HDAC4: variants seen among roughly 807,000 people sequenced by gnomAD.
HDAC4 encodes histone deacetylase A.
HDAC4 carries 16 observed loss-of-function variants against 135.1 expected under a neutral mutation model. The ratio of observed to expected loss-of-function variants is 0.12; its 90% CI spans 0.08 to 0.18. HDAC4 has a LOEUF of 0.18. HDAC4 is among the 10% of genes least tolerant of loss of function. The probability of loss-of-function intolerance (pLI) is 1.00; values close to 1 mark genes in which losing one functional copy is unlikely to be tolerated. For missense variants in HDAC4, 1,143 were observed against 1,511.8 expected, an observed-to-expected ratio of 0.76 and a Z score of 4.05; for synonymous variants, 685 against 653.4, an observed-to-expected ratio of 1.05 and a Z score of -0.74.
At chr2:239,123,770 T>C (rs2152839330) in intron 12 of HDAC4, among the ~76,000 whole-genome samples, 1 of 152,308 alleles carries the variant, frequency 6.6e-6, no homozygotes, top group South Asian at 2.1e-4. Context: ...AGGTCAGGGC[T>C]GCGGGAAGAG....
rs572570005 is a variant in HDAC4, at chr2:239,173,311, AGTTGACTGGG to A, written c.490+3092_490+3101del. Among the ~76,000 whole-genome samples, 460 of 152,350 alleles carry A rather than the reference AGTTGACTGGG, an allele frequency of 3.0e-3. 1 individual carries two copies. Among genetic ancestry groups the A allele is most frequent in the Non-Finnish European group, 4.8e-3 (324 of 68,022 alleles). Reference sequence around the variant, plus strand: ...CATAAAAGATAATATATTACAATCAAGTTGACTGGGGTTATTTTAAAAATGCCAGTTAGAA... The same window carrying A: ...CATAAAAGATAATATATTACAATCAAGTTATTTTAAAAATGCCAGTTAGAA... On this transcript the variant is annotated intron_variant, in intron 5 of 26. Coordinates refer to ENST00000543185, the MANE Select transcript of HDAC4 (RefSeq NM_001378414.1).
chr2:239,339,657 G>A (rs1222389156), intron 2 of HDAC4, among the ~76,000 whole-genome samples: 2 of 152,160 alleles, frequency 1.3e-5, no homozygotes, highest in African/African-American at 4.8e-5. Flanking sequence ...CACACATGTG[G>A]CCCGCGGCCC....
At chr2:239,067,629 CTCTG>C (rs533815138) in intron 23 of HDAC4, among the ~76,000 whole-genome samples, 41 of 152,320 alleles carry the variant, frequency 2.7e-4, no homozygotes, top group African/African-American at 9.4e-4. Flanking sequence ...GCTCTTTGCC[CTCTG>C]TCTGGTCACT....
chr2:239,290,607 G>A (rs904659437), intron 2 of HDAC4, among the ~76,000 whole-genome samples: 6 of 152,040 alleles, frequency 3.9e-5, no homozygotes, highest in African/African-American at 1.4e-4. Context: ...ACACAGGCAC[G>A]TGCGCACAAG....
intron 14 of HDAC4, among the ~76,000 whole-genome samples, chr2:239,109,879 C>T (rs572131515): frequency 9.7e-4 from 148 of 152,274 alleles, no homozygotes; most frequent in African/African-American, 3.4e-3. Flanking sequence ...ACTAAGCACA[C>T]GGCTGGAACT....
chr2:239,095,063 G>A lies in HDAC4; in HGVS notation c.2234-7C>T, dbSNP rs201372508. 1.1e-5 allele frequency: 18 copies of A among 1,613,836 alleles called. No homozygotes were observed. The East Asian group carries it at 1.8e-4, about 16-fold the overall frequency. On this transcript the variant is annotated splice_region_variant and splice_polypyrimidine_tract_variant and intron_variant, in intron 16 of 26. Transcript: ENST00000543185. ...AACACGGAGGCGAGCGAGCCTGTGG[G>A]GGGGAGGGAGACGGTCAGAGAGGCC...
At chr2:239,242,091 A>G (rs2048205482) in intron 2 of HDAC4, among the ~76,000 whole-genome samples, 1 of 151,696 alleles carries the variant, frequency 6.6e-6, no homozygotes, top group Non-Finnish European at 1.5e-5. Flanking sequence ...GGAAGGAAGG[A>G]AGGAAGGAAG....
rs75173755 is a variant in HDAC4, at chr2:239,283,499, C to T, written c.23-46835G>A. On this transcript the variant is annotated intron_variant, in intron 2 of 26. Transcript: ENST00000543185. ...CGCGAGGGGCCTGGGACGCCACTGC[C>T]GGCAGAGGCTAGAAGGGGCCTGACC... Among the ~76,000 whole-genome samples, 46 of 152,302 alleles carry T rather than the reference C, an allele frequency of 3.0e-4. 1 individual carries two copies. In the East Asian group the frequency reaches 8.1e-3, roughly 27 times the overall value.
intron 2 of HDAC4, among the ~76,000 whole-genome samples, chr2:239,252,362 GC>G (rs1357547547): frequency 1.3e-5 from 2 of 152,208 alleles, no homozygotes; most frequent in African/African-American, 4.8e-5. Context: ...GTACTCACAA[GC>G]CGCAGTGCCA....
In HDAC4 at chr2:239,368,094, C is replaced by T. The variant is rs74003965; in HGVS notation, c.-219-15176G>A. Among the ~76,000 whole-genome samples the T allele has an allele frequency of 9.9e-3, 1,515 of 152,306 alleles. 27 individuals are homozygous for T. The highest frequency in any genetic ancestry group is 0.035 in the African/African-American group (1,459 of 41,554). On this transcript the variant is annotated intron_variant, in intron 1 of 26. Transcript: ENST00000543185. ...AATCCAAAAACTCTGAGAGCCTGAA[C>T]ACTTCTGGTCCCAAGCACGTCAGAA...
At chr2:239,310,010 A>G (rs1237803870) in intron 2 of HDAC4, among the ~76,000 whole-genome samples, 1 of 152,184 alleles carries the variant, frequency 6.6e-6, no homozygotes, top group Non-Finnish European at 1.5e-5. Context: ...TCTTCGGTCC[A>G]GAAAAAGTCA....
chr2:239,169,203 C>T (rs2043296234), intron 5 of HDAC4, among the ~76,000 whole-genome samples: 1 of 152,214 alleles, frequency 6.6e-6, no homozygotes, highest in South Asian at 2.1e-4. Flanking sequence ...AACTTCAATT[C>T]TTTGATAAGC....
chr2:239,246,565 A>C (rs947728682), intron 2 of HDAC4, among the ~76,000 whole-genome samples: 2 of 152,058 alleles, frequency 1.3e-5, no homozygotes, highest in Non-Finnish European at 2.9e-5. Flanking sequence ...GCAGGAGTGA[A>C]AGCAAGCCGC....
chr2:239,183,655 TCACCCAGAGGCAC>T (rs2044299078), intron 4 of HDAC4, among the ~76,000 whole-genome samples: 2 of 152,186 alleles, frequency 1.3e-5, no homozygotes, highest in Admixed American at 1.3e-4. Flanking sequence ...TTCTTAACCT[TCACCCAGAGGCAC>T]CACAGAGGGA....
chr2:239,117,442 C>A (rs1216515158), intron 12 of HDAC4, among the ~76,000 whole-genome samples: 2 of 151,958 alleles, frequency 1.3e-5, no homozygotes, highest in African/African-American at 4.8e-5. Context: ...GTGGCCAGGA[C>A]AACTCCTTCG....
chr2:239,263,365 G>A lies in HDAC4; in HGVS notation c.23-26701C>T, dbSNP rs371315081. On this transcript the variant is annotated intron_variant, in intron 2 of 26. Transcript: ENST00000543185. ...TTGCACATCAGCCGCCCCGAAGCCC[G>A]CCCAGTCCCCTGCCTGGAGATCACC... Among the ~76,000 whole-genome samples the A allele has an allele frequency of 4.9e-4, 59 of 119,640 alleles. 1 individual carries two copies. In the East Asian group the frequency reaches 0.016, roughly 32 times the overall value. The allele number at this position is 119,640 out of a possible 152,430, so 78.5% of individuals were successfully genotyped here.
intron 1 of HDAC4, among the ~76,000 whole-genome samples, chr2:239,362,744 A>G (rs1374008774): frequency 6.6e-6 from 1 of 152,250 alleles, no homozygotes; most frequent in Non-Finnish European, 1.5e-5. Flanking sequence ...TTCACCAAAC[A>G]GGGAGTGAGG....
At chr2:239,340,420 C>T (rs775678596) in intron 2 of HDAC4, among the ~76,000 whole-genome samples, 2 of 152,236 alleles carry the variant, frequency 1.3e-5, no homozygotes, top group Non-Finnish European at 2.9e-5. Flanking sequence ...CACTGAGCTC[C>T]AGTCTGCCAC....
intron 11 of HDAC4, among the ~76,000 whole-genome samples, chr2:239,128,551 C>T (rs2040355710): frequency 6.6e-6 from 1 of 151,892 alleles, no homozygotes; most frequent in African/African-American, 2.4e-5. Flanking sequence ...AAAAAGAAGG[C>T]ATTTCAGAAT....
Sources: allele counts gnomAD v4.1 joint callset (sites outside exome capture counted in the v4.1 genomes callset), GRCh38; gene constraint gnomAD v4.1.1; transcripts MANE v1.5; gene names NCBI Gene and HGNC (gene_info 2026-07-23, HGNC 2026-07-21).